The following CLIC5 variants were observed in gnomAD, a reference collection of about 807,000 sequenced individuals.
The protein encoded by CLIC5 is CLIC family member 5.
Under a neutral mutation model 24.7 loss-of-function variants are expected in CLIC5, and 20 were observed. The observed-to-expected ratio is 0.81, with a 90% CI of 0.57 to 1.18. The LOEUF is 1.18. Among genes scored for constraint, CLIC5 ranks in the 50% most tolerant of loss-of-function variants. The probability of loss-of-function intolerance (pLI) is 0.00; values close to 1 mark genes in which losing one functional copy is unlikely to be tolerated. For synonymous variants in CLIC5, 159 were observed against 135.6 expected (o/e 1.17, Z -1.20); for missense variants, 341 against 326.1 (o/e 1.05, Z -0.35).
intron 1 of CLIC5, among the ~76,000 whole-genome samples, chr6:46,042,745 G>A (rs1052616392): frequency 6.6e-6 from 1 of 152,166 alleles, no homozygotes; most frequent in African/African-American, 2.4e-5. Flanking sequence ...ATGACATGGA[G>A]TATTGAGTCT....
At chr6:46,030,192 T>G (rs1481252250) in intron 1 of CLIC5, among the ~76,000 whole-genome samples, 1 of 152,144 alleles carries the variant, frequency 6.6e-6, no homozygotes, top group Non-Finnish European at 1.5e-5. Context: ...CACTACCAAT[T>G]TCTTCCCCAA....
In CLIC5 at chr6:45,902,730, T is replaced by C. The variant is rs942760571; in HGVS notation, c.*358A>G. On this transcript the variant is annotated 3_prime_UTR_variant, in exon 6 of 6. Coordinates refer to ENST00000339561, the MANE Select transcript of CLIC5 (RefSeq NM_016929.5). ...GAGGAGGGTAGAAAAGGAGTTGGTGTTGCATGTTTCTAAAGCATCTGAGAA... is the reference window on the plus strand; with the variant it reads ...GAGGAGGGTAGAAAAGGAGTTGGTGCTGCATGTTTCTAAAGCATCTGAGAA... 3 of 241,308 alleles carry C rather than the reference T, an allele frequency of 1.2e-5. No homozygotes were observed. The highest frequency in any genetic ancestry group is 2.3e-5 in the African/African-American group (1 of 43,304). The allele number at this position is 241,308 out of a possible 1,614,324, so 14.9% of individuals were successfully genotyped here.
At chr6:46,074,880 T>C (rs1762724650) in intron 1 of CLIC5, among the ~76,000 whole-genome samples, 1 of 152,234 alleles carries the variant, frequency 6.6e-6, no homozygotes, top group Non-Finnish European at 1.5e-5. Context: ...AGGGACATTT[T>C]ATGCAAAAGT....
chr6:46,011,120 T>C (rs1339993024), intron 1 of CLIC5, among the ~76,000 whole-genome samples: 1 of 152,224 alleles, frequency 6.6e-6, no homozygotes, highest in Non-Finnish European at 1.5e-5. Flanking sequence ...TTAGCAGAAC[T>C]CTGTTTTACT....
intron 1 of CLIC5, among the ~76,000 whole-genome samples, chr6:46,070,872 A>G (rs190081148): frequency 6.6e-6 from 1 of 152,276 alleles, no homozygotes; most frequent in Non-Finnish European, 1.5e-5. Context: ...TGATACAAAA[A>G]CAGACACATT....
At chr6:45,983,309 T>C (rs901836896) in intron 1 of CLIC5, among the ~76,000 whole-genome samples, 139 of 152,242 alleles carry the variant, frequency 9.1e-4, no homozygotes, top group African/African-American at 3.1e-3. Flanking sequence ...TGGGACAGGG[T>C]GTGTGCTGTC....
At chr6:45,945,604 T>C (rs950435554) in intron 3 of CLIC5, among the ~76,000 whole-genome samples, 1 of 152,116 alleles carries the variant, frequency 6.6e-6, no homozygotes, top group East Asian at 1.9e-4. Context: ...AAACCTGTGT[T>C]CTGTTAAGCA....
At chr6:45,937,161 A>G (rs918045139) in intron 4 of CLIC5, among the ~76,000 whole-genome samples, 9 of 152,198 alleles carry the variant, frequency 5.9e-5, no homozygotes, top group Non-Finnish European at 1.0e-4. Flanking sequence ...AACAAAGTTT[A>G]AAAAGTAGAA....
chr6:46,095,495 A>G, the CLIC5 span, among the ~76,000 whole-genome samples: 291 of 152,312 alleles, frequency 1.9e-3, no homozygotes, highest in African/African-American at 6.5e-3. Context: ...GCTGCTAACA[A>G]ATTTCTTCTG....
intron 1 of CLIC5, among the ~76,000 whole-genome samples, chr6:45,976,317 T>A (rs1765383129): frequency 6.6e-6 from 1 of 152,186 alleles, no homozygotes; most frequent in Non-Finnish European, 1.5e-5. Context: ...TATTATTTTC[T>A]TGGTAGATTT....
chr6:45,886,184 G>A (rs1762303265), intron 6 of CLIC5, among the ~76,000 whole-genome samples: 3 of 152,062 alleles, frequency 2.0e-5, no homozygotes, highest in Admixed American at 6.5e-5. Context: ...TCCCAGGGCA[G>A]GTGGTAGAAG....
chr6:46,083,666 A>T (rs1762970587), upstream of CLIC5, among the ~76,000 whole-genome samples: 1 of 152,114 alleles, frequency 6.6e-6, no homozygotes, highest in Non-Finnish European at 1.5e-5. Flanking sequence ...CTGTTCTTTT[A>T]CTTTTGCCGA....
upstream of CLIC5, among the ~76,000 whole-genome samples, chr6:46,019,448 A>G (rs969614832): frequency 6.6e-6 from 1 of 152,166 alleles, no homozygotes; most frequent in Admixed American, 6.5e-5. Flanking sequence ...GCACTTTGGG[A>G]GGCCGAGGCG....
At chr6:46,030,060 C>T (rs906982436) in intron 1 of CLIC5, among the ~76,000 whole-genome samples, 4 of 152,144 alleles carry the variant, frequency 2.6e-5, no homozygotes, top group African/African-American at 7.2e-5. Context: ...TTCATTCATT[C>T]TCCAATTTTA....
intron 4 of CLIC5, among the ~76,000 whole-genome samples, chr6:45,935,558 C>T (rs75462871): frequency 0.021 from 3,195 of 152,370 alleles, 123 homozygotes; most frequent in African/African-American, 0.073. Context: ...GGCATAACTT[C>T]TCCCTGCAAG....
intron 1 of CLIC5, among the ~76,000 whole-genome samples, chr6:46,057,115 A>G (rs1262049764): frequency 6.6e-6 from 1 of 152,146 alleles, no homozygotes; most frequent in Admixed American, 6.5e-5. Context: ...ATGATGTTGC[A>G]TTCTATTCAT....
chr6:46,019,634 C>A (rs1221705801), upstream of CLIC5, among the ~76,000 whole-genome samples: 9 of 140,998 alleles, frequency 6.4e-5, no homozygotes, highest in Non-Finnish European at 1.2e-4. Context: ...TGCAGTGAGC[C>A]GAGATTGCGC....
At chr6:46,090,130 T>G in the CLIC5 span, among the ~76,000 whole-genome samples, 1 of 152,118 alleles carries the variant, frequency 6.6e-6, no homozygotes, top group Non-Finnish European at 1.5e-5. Flanking sequence ...GTCTGTAGAG[T>G]TAGAAAAATA....
At chr6:45,938,982 G>C (rs1764034516) in intron 4 of CLIC5, among the ~76,000 whole-genome samples, 1 of 152,066 alleles carries the variant, frequency 6.6e-6, no homozygotes, top group South Asian at 2.1e-4. Flanking sequence ...GGCTCTGAGG[G>C]GCCATATTCA....
Sources: allele counts gnomAD v4.1 joint callset (sites outside exome capture counted in the v4.1 genomes callset), GRCh38; gene constraint gnomAD v4.1.1; transcripts MANE v1.5; gene names NCBI Gene and HGNC (gene_info 2026-07-23, HGNC 2026-07-21).